IL1RAPL2: variants seen among roughly 807,000 people sequenced by gnomAD.
IL1RAPL2 encodes X-linked interleukin-1 receptor accessory protein-like 2.
Under a neutral mutation model 44.1 loss-of-function variants are expected in IL1RAPL2, and 3 were observed. The ratio of observed to expected loss-of-function variants is 0.07; its 90% CI spans 0.03 to 0.18. The LOEUF is 0.18. Among genes scored for constraint, IL1RAPL2 ranks in the 10% least tolerant of loss-of-function variants. The pLI, the probability that IL1RAPL2 is intolerant of heterozygous loss-of-function variation, is 1.00. For missense variants in IL1RAPL2, 391 were observed against 496.4 expected, an observed-to-expected ratio of 0.79 and a Z score of 2.02; for synonymous variants, 181 against 178.8, an observed-to-expected ratio of 1.01 and a Z score of -0.10.
chrX:104,587,360 C>G (rs1321863561), intron 1 of IL1RAPL2, among the ~76,000 whole-genome samples: 3 of 111,903 alleles, frequency 2.7e-5, no homozygotes, highest in Non-Finnish European at 5.6e-5. Flanking sequence ...CATAGTAGTC[C>G]TGGAACTGTG....
chrX:104,881,735 A>G (rs1428285432), intron 2 of IL1RAPL2, among the ~76,000 whole-genome samples: 5 of 112,121 alleles, frequency 4.5e-5, no homozygotes, highest in African/African-American at 9.7e-5. Flanking sequence ...TAGGGACACA[A>G]TACAACCTGA....
intron 2 of IL1RAPL2, among the ~76,000 whole-genome samples, chrX:105,150,687 G>A (rs2033219398): frequency 9.0e-6 from 1 of 111,666 alleles, no homozygotes; most frequent in African/African-American, 3.3e-5. Context: ...GTGTATAAAC[G>A]GCTCAGGCTT....
At chrX:105,173,952 CGAACTCCT>C (rs2033449087) in intron 2 of IL1RAPL2, among the ~76,000 whole-genome samples, 1 of 110,612 alleles carries the variant, frequency 9.0e-6, no homozygotes, top group African/African-American at 3.3e-5. Flanking sequence ...AGGCTGGTCT[CGAACTCCT>C]GAGCTCAGGC....
chrX:105,206,739 C>A (rs920044425), intron 3 of IL1RAPL2, among the ~76,000 whole-genome samples: 1 of 111,874 alleles, frequency 8.9e-6, no homozygotes. Flanking sequence ...GAGAACTAGT[C>A]TTCTTGTTTT....
intron 5 of IL1RAPL2, among the ~76,000 whole-genome samples, chrX:105,347,205 TTC>T (rs761701357): frequency 1.8e-5 from 2 of 112,138 alleles, no homozygotes; most frequent in Non-Finnish European, 3.8e-5. Context: ...CATTTCTTGC[TTC>T]TGACTCTTGA....
intron 5 of IL1RAPL2, among the ~76,000 whole-genome samples, chrX:105,313,994 T>C (rs1356058126): frequency 8.9e-6 from 1 of 112,045 alleles, no homozygotes; most frequent in Non-Finnish European, 1.9e-5. Flanking sequence ...TTTGCAGATG[T>C]AGATTTTAGC....
intron 2 of IL1RAPL2, among the ~76,000 whole-genome samples, chrX:104,897,215 G>A (rs1214515343): frequency 1.8e-5 from 2 of 111,954 alleles, no homozygotes; most frequent in Non-Finnish European, 3.8e-5. Flanking sequence ...ATCATCTGAA[G>A]GCTCAAGAGA....
chrX:105,584,490 T>C (rs1269798190), intron 6 of IL1RAPL2, among the ~76,000 whole-genome samples: 1 of 110,178 alleles, frequency 9.1e-6, no homozygotes, highest in Non-Finnish European at 1.9e-5. Flanking sequence ...TTTATTTCTT[T>C]ATGTGTAACA....
At chrX:104,881,641 T>C (rs759849681) in intron 2 of IL1RAPL2, among the ~76,000 whole-genome samples, 3 of 112,255 alleles carry the variant, frequency 2.7e-5, no homozygotes, top group African/African-American at 9.7e-5. Flanking sequence ...AAAATGCTTA[T>C]CTACTGAAAA....
chrX:105,513,337 T>C (rs1245013847), intron 6 of IL1RAPL2, among the ~76,000 whole-genome samples: 4 of 111,653 alleles, frequency 3.6e-5, no homozygotes, highest in Non-Finnish European at 7.5e-5. Flanking sequence ...CCTTGAGGAA[T>C]TGCCACACTG....
chrX:105,013,362 A>T (rs16984597), intron 2 of IL1RAPL2, among the ~76,000 whole-genome samples: 4 of 110,417 alleles, frequency 3.6e-5, no homozygotes, highest in Non-Finnish European at 7.6e-5. Flanking sequence ...AGGGTTTATT[A>T]TCATGATGGA....
At chrX:105,120,225 G>GAT (rs1319929649) in intron 2 of IL1RAPL2, among the ~76,000 whole-genome samples, 3 of 106,554 alleles carry the variant, frequency 2.8e-5, no homozygotes, top group Non-Finnish European at 5.8e-5. Flanking sequence ...ATACATACTA[G>GAT]ATATATATAT....
chrX:105,139,782 ATTT>A (rs2033109883), intron 2 of IL1RAPL2, among the ~76,000 whole-genome samples: 1 of 112,430 alleles, frequency 8.9e-6, no homozygotes, highest in Admixed American at 9.4e-5. Flanking sequence ...CAACATATGA[ATTT>A]TTAAGGGACA....
chrX:104,856,720 G>T (rs918995486), intron 2 of IL1RAPL2, among the ~76,000 whole-genome samples: 1 of 111,722 alleles, frequency 9.0e-6, no homozygotes, highest in East Asian at 2.8e-4. Context: ...TATGGAGATT[G>T]GTAGCTTTTA....
In IL1RAPL2 at chrX:104,884,297, C is replaced by T. The variant is rs371103878; in HGVS notation, c.82+225302C>T. On this transcript the variant is annotated intron_variant, in intron 2 of 10. Coordinates refer to ENST00000372582, the MANE Select transcript of IL1RAPL2 (RefSeq NM_017416.2). ...AGGAAAACTAGTGTTTCTGCTGCTG[C>T]GTTGATGAGTGCAACTATTCCAATC... 6.3e-5 allele frequency among the ~76,000 whole-genome samples: 7 copies of T among 111,849 alleles called. No individual in the cohort carries two copies. The East Asian group carries it at 1.4e-3, about 23-fold the overall frequency.
chrX:104,681,679 T>G (rs1169203759), intron 2 of IL1RAPL2, among the ~76,000 whole-genome samples: 1 of 112,742 alleles, frequency 8.9e-6, no homozygotes, highest in Non-Finnish European at 1.9e-5. Flanking sequence ...GTTAGAGACT[T>G]ACTTACCTAA....
chrX:105,665,908 G>A (rs1287207743), intron 6 of IL1RAPL2, among the ~76,000 whole-genome samples: 27 of 106,591 alleles, frequency 2.5e-4, no homozygotes, highest in Admixed American at 7.1e-4. Context: ...GACTACAGGC[G>A]CCCGCCACCA....
At chrX:104,692,374 A>C (rs1931105207) in intron 2 of IL1RAPL2, among the ~76,000 whole-genome samples, 1 of 110,163 alleles carries the variant, frequency 9.1e-6, no homozygotes. Context: ...ATTATTATTA[A>C]AGTTTTAGGG....
chrX:105,070,523 G>A (rs904736013), intron 2 of IL1RAPL2, among the ~76,000 whole-genome samples: 33 of 109,346 alleles, frequency 3.0e-4, no homozygotes, highest in African/African-American at 9.0e-4. Context: ...GTGAATCCCC[G>A]TCTCTACTAA....
Sources: gnomAD v4.1 joint callset for allele counts (sites outside exome capture counted in the v4.1 genomes callset) on GRCh38, gnomAD v4.1.1 for gene constraint, MANE v1.5 for transcripts, NCBI Gene and HGNC (gene_info 2026-07-23, HGNC 2026-07-21) for gene names.